Variants in SPRY3 observed in about 807,000 individuals in gnomAD.
SPRY3 encodes protein sprouty homolog 3.
In SPRY3, 15 loss-of-function variants were observed where a neutral mutation model predicts 20.2. The observed-to-expected ratio is 0.74, with a 90% CI of 0.50 to 1.14. SPRY3 has a LOEUF of 1.14. SPRY3 is among the 50% of genes most tolerant of loss of function. The pLI is 0.00. For missense variants in SPRY3, 364 were observed against 363.9 expected (o/e 1.00, Z 0.00); for synonymous variants, 143 against 136.5 (o/e 1.05, Z -0.33).
At chrX:155,754,558 T>C (rs970529927) in intron 2 of SPRY3, among the ~76,000 whole-genome samples, 6 of 152,044 alleles carry the variant, frequency 3.9e-5, no homozygotes, top group African/African-American at 1.4e-4. Flanking sequence ...TTTTCAAGAT[T>C]GTTTTGACTA....
chrX:155,615,875 CATT>C (rs782034204), intron 1 of SPRY3, among the ~76,000 whole-genome samples: 59 of 111,008 alleles, frequency 5.3e-4, no homozygotes, highest in Non-Finnish European at 9.6e-4. Flanking sequence ...AATTAGGACT[CATT>C]AGTTAAAAGT....
At chrX:155,624,531 TCTA>T (rs1557349771) in intron 1 of SPRY3, among the ~76,000 whole-genome samples, 1 of 109,124 alleles carries the variant, frequency 9.2e-6, no homozygotes, top group African/African-American at 3.3e-5. Flanking sequence ...TATCTATCTA[TCTA>T]TCTATCTATC....
At chrX:155,642,807 T>C (rs1355557384) in intron 1 of SPRY3, among the ~76,000 whole-genome samples, 3 of 112,199 alleles carry the variant, frequency 2.7e-5, no homozygotes, top group African/African-American at 9.7e-5. Context: ...TTGTTGTTGA[T>C]ATCTAGTTTT....
At chrX:155,619,292 C>CT (rs111836813) in intron 1 of SPRY3, among the ~76,000 whole-genome samples, 5,161 of 108,590 alleles carry the variant, frequency 0.048, 308 homozygotes, top group African/African-American at 0.16. Context: ...GCTATCCTTA[C>CT]TTTTTTTTTA....
intron 1 of SPRY3, among the ~76,000 whole-genome samples, chrX:155,650,011 T>C (rs1487416485): frequency 9.0e-6 from 1 of 111,330 alleles, no homozygotes; most frequent in African/African-American, 3.3e-5. Context: ...CATTCACAAT[T>C]GCTAAAAAGA....
exon 4 of SPRY3, chrX:155,774,713 C>G (rs1381364569): frequency 6.2e-7 from 1 of 1,613,048 alleles, no homozygotes; most frequent in African/African-American, 1.3e-5. Context: ...GCACCCTTCC[C>G]CAAGGCCCAG....
At chrX:155,713,483 C>A (rs950746093) in intron 2 of SPRY3, among the ~76,000 whole-genome samples, 1 of 152,166 alleles carries the variant, frequency 6.6e-6, no homozygotes, top group Non-Finnish European at 1.5e-5. Flanking sequence ...ATATACTATT[C>A]TAGGGTAAAA....
intron 3 of SPRY3, 95 bp from the exon 3 acceptor site, chrX:155,773,671 G>T: frequency 1.6e-6 from 1 of 612,380 alleles, no homozygotes; most frequent in Non-Finnish European, 2.9e-6. Context: ...GTAATTGAAG[G>T]TAGTGGTGGT....
At chrX:155,713,708 G>T (rs2091002615) in intron 2 of SPRY3, among the ~76,000 whole-genome samples, 1 of 151,806 alleles carries the variant, frequency 6.6e-6, no homozygotes, top group Non-Finnish European at 1.5e-5. Context: ...TGTTGTATAA[G>T]CTTCTTGTGC....
intron 2 of SPRY3, among the ~76,000 whole-genome samples, chrX:155,681,371 A>T (rs912093583): frequency 1.5e-4 from 17 of 112,051 alleles, no homozygotes; most frequent in African/African-American, 4.2e-4. Context: ...TTCCCCAACC[A>T]CGTGGAACTG....
chrX:155,706,076 T>C (rs1379783887), intron 2 of SPRY3, among the ~76,000 whole-genome samples: 1 of 151,264 alleles, frequency 6.6e-6, no homozygotes, highest in Non-Finnish European at 1.5e-5. Context: ...TTTTCAAATG[T>C]GTGTGGAATA....
chrX:155,670,752 A>G (rs2068037830), intron 2 of SPRY3, among the ~76,000 whole-genome samples: 1 of 112,089 alleles, frequency 8.9e-6, no homozygotes, highest in African/African-American at 3.2e-5. Context: ...GGCAAAGCAG[A>G]AATTGTTTTT....
intron 2 of SPRY3, among the ~76,000 whole-genome samples, chrX:155,737,475 T>C (rs1359242890): frequency 2.6e-5 from 4 of 152,118 alleles, no homozygotes; most frequent in African/African-American, 9.7e-5. Context: ...ATGAGGATCA[T>C]ACAGAGTACT....
At chrX:155,719,825 C>T (rs992691524) in intron 2 of SPRY3, among the ~76,000 whole-genome samples, 1 of 149,090 alleles carries the variant, frequency 6.7e-6, no homozygotes, top group African/African-American at 2.4e-5. Context: ...TCCCCAGGTA[C>T]TACACTGAAG....
exon 4 of SPRY3, chrX:155,773,817 C>T (rs2091399875): frequency 1.3e-6 from 2 of 1,564,224 alleles, no homozygotes; most frequent in Admixed American, 1.8e-5. Context: ...TCCTCTTTAT[C>T]ACCATAAGTG....
At chrX:155,732,045 C>G (rs1421864868) in intron 2 of SPRY3, among the ~76,000 whole-genome samples, 1 of 151,916 alleles carries the variant, frequency 6.6e-6, no homozygotes, top group African/African-American at 2.4e-5. Context: ...AATGTCAAAT[C>G]TTAGAAAACG....
At chrX:155,635,255 A>T (rs1184730640) in intron 1 of SPRY3, among the ~76,000 whole-genome samples, 3 of 111,415 alleles carry the variant, frequency 2.7e-5, no homozygotes, top group South Asian at 3.8e-4. Context: ...CATGGTGTGT[A>T]TGTGCCACAT....
At chrX:155,723,342 C>A (rs969667264) in intron 2 of SPRY3, among the ~76,000 whole-genome samples, 2 of 152,060 alleles carry the variant, frequency 1.3e-5, no homozygotes, top group African/African-American at 2.4e-5. Context: ...GTTCTAGATC[C>A]CTGAGGAATC....
chrX:155,758,172 A>C (rs2091290605), intron 2 of SPRY3, among the ~76,000 whole-genome samples: 1 of 152,194 alleles, frequency 6.6e-6, no homozygotes, highest in South Asian at 2.1e-4. Context: ...TTGATAACCT[A>C]CTACATGGCA....
Sources: allele counts gnomAD v4.1 joint callset (sites outside exome capture counted in the v4.1 genomes callset), GRCh38; gene constraint gnomAD v4.1.1; transcripts MANE v1.5; gene names NCBI Gene and HGNC (gene_info 2026-07-23, HGNC 2026-07-21).